Variants in HUNK observed in about 807,000 individuals in gnomAD.
HUNK encodes the protein hormonally up-regulated neu tumor-associated kinase.
HUNK carries 21 observed loss-of-function variants against 61.0 expected under a neutral mutation model. The ratio of observed to expected loss-of-function variants is 0.34; its 90% confidence interval spans 0.24 to 0.50. The LOEUF is 0.50. Ranked by LOEUF, HUNK falls within the 20% of genes least tolerant of loss-of-function variation. The pLI is 0.98. For missense variants in HUNK, 772 were observed against 945.7 expected (o/e 0.82, Z 2.41); for synonymous variants, 371 against 386.1 (o/e 0.96, Z 0.46).
intron 2 of HUNK, among the ~76,000 whole-genome samples, chr21:31,927,535 T>C (rs2123818392): frequency 6.6e-6 from 1 of 151,996 alleles, no homozygotes; most frequent in South Asian, 2.1e-4. Flanking sequence ...TGCCAGCTAC[T>C]CTGGAGGCTG....
At chr21:31,971,073 A>T (rs893473362) in intron 6 of HUNK, among the ~76,000 whole-genome samples, 3 of 316 alleles carry the variant, frequency 9.5e-3, no homozygotes, top group Non-Finnish European at 0.017. Context: ...CTTTATTTTT[A>T]TTTATTTATT....
At chr21:31,988,645 TTCTC>T (rs201061882) in intron 8 of HUNK, among the ~76,000 whole-genome samples, 1 of 147,402 alleles carries the variant, frequency 6.8e-6, no homozygotes, top group Non-Finnish European at 1.5e-5. Flanking sequence ...TCCCTCATTT[TTCTC>T]TCTTTTCTCT....
chr21:31,968,000 G>A (rs963817743), intron 5 of HUNK, among the ~76,000 whole-genome samples: 1 of 152,128 alleles, frequency 6.6e-6, no homozygotes, highest in Non-Finnish European at 1.5e-5. Flanking sequence ...GCTATGTGGT[G>A]TGTATTTTTT....
intron 1 of HUNK, among the ~76,000 whole-genome samples, chr21:31,879,743 G>A (rs1408323431): frequency 6.6e-6 from 1 of 152,198 alleles, no homozygotes; most frequent in African/African-American, 2.4e-5. Flanking sequence ...TGGCAGCCAT[G>A]TGCCCCCGAA....
intron 4 of HUNK, among the ~76,000 whole-genome samples, chr21:31,955,396 C>T (rs1456870814): frequency 6.6e-6 from 1 of 150,516 alleles, no homozygotes; most frequent in African/African-American, 2.5e-5. Context: ...CGAGACCATC[C>T]TGGCTAACAC....
At chr21:31,883,187 G>A (rs2052321441) in intron 1 of HUNK, among the ~76,000 whole-genome samples, 1 of 151,936 alleles carries the variant, frequency 6.6e-6, no homozygotes, top group Non-Finnish European at 1.5e-5. Context: ...GCCTGCCATA[G>A]AGGTTGGCAA....
rs140901956 is a variant in HUNK at position 31,916,351 on chromosome 21, T to C, written c.262-8117T>C. On this transcript the variant is annotated intron_variant, in intron 1 of 10. Transcript: ENST00000270112. ...AGGTGTGAGCCATTGCGCCCGGCCC[T>C]AAGTGCTTTCTTTATGTACATTATC... is the stretch of plus-strand genomic sequence containing the variant. Among the ~76,000 whole-genome samples the C allele has an allele frequency of 2.1e-3, 318 of 151,790 alleles. 2 individuals carry two copies. The highest frequency in any genetic ancestry group is 7.2e-3 in the African/African-American group (300 of 41,418).
At chr21:31,931,335 T>A (rs184236454) in intron 2 of HUNK, among the ~76,000 whole-genome samples, 1 of 152,104 alleles carries the variant, frequency 6.6e-6, no homozygotes, top group East Asian at 1.9e-4. Context: ...ATTAATCACC[T>A]CTTTTAAGTA....
rs1439834329 is a variant in HUNK at position 31,988,321 on chromosome 21, T to A, written c.1258-1808T>A. ...CCATTAGAGAGCCCAGGGCCAGTTT[T>A]ATTAAAGTCTTTTGAAAAATAATGT... is the stretch of plus-strand genomic sequence containing the variant. On this transcript the variant is annotated intron_variant, in intron 8 of 10. Transcript: ENST00000270112. Among the ~76,000 whole-genome samples, 3 of 152,292 alleles carry A rather than the reference T, an allele frequency of 2.0e-5. No individual in the cohort carries two copies. The East Asian group carries it at 5.8e-4, about 29-fold the overall frequency.
chr21:31,968,981 C>T (rs936822145), intron 6 of HUNK, among the ~76,000 whole-genome samples: 6 of 151,750 alleles, frequency 4.0e-5, no homozygotes, highest in African/African-American at 1.5e-4. Flanking sequence ...TGGTTTCAAG[C>T]GATTCTTATG....
chr21:31,894,392 C>T (rs2052411324), intron 1 of HUNK, among the ~76,000 whole-genome samples: 1 of 152,120 alleles, frequency 6.6e-6, no homozygotes, highest in Non-Finnish European at 1.5e-5. Context: ...AAGCCATTTG[C>T]CAGGTGTACT....
intron 3 of HUNK, among the ~76,000 whole-genome samples, chr21:31,940,891 C>A (rs2123827868): frequency 6.6e-6 from 1 of 152,306 alleles, no homozygotes; most frequent in Non-Finnish European, 1.5e-5. Context: ...TTATTCCCCT[C>A]TTTTCTTTTT....
At chr21:31,876,255 T>G (rs1277498038) in intron 1 of HUNK, among the ~76,000 whole-genome samples, 3 of 152,212 alleles carry the variant, frequency 2.0e-5, no homozygotes, top group Non-Finnish European at 4.4e-5. Flanking sequence ...GATGTCTGTG[T>G]TGAAAAACTT....
At chr21:31,990,775 A>G (rs566456569) in intron 9 of HUNK, among the ~76,000 whole-genome samples, 1 of 152,188 alleles carries the variant, frequency 6.6e-6, no homozygotes, top group Non-Finnish European at 1.5e-5. Context: ...ACCTCAAGCC[A>G]TCCACCTGCC....
chr21:31,912,875 T>G (rs996098112), intron 1 of HUNK, among the ~76,000 whole-genome samples: 1 of 152,162 alleles, frequency 6.6e-6, no homozygotes. Flanking sequence ...ATAGCACTCA[T>G]ATTTGATTTA....
rs201605441 is a variant in HUNK, at chr21:31,979,513, TTC to T, written c.1174-4011_1174-4010del. On this transcript the variant is annotated intron_variant, in intron 7 of 10. Transcript: ENST00000270112. ...TTTTCTGGCTATTGAGTTGTTTGCA[TTC>T]TTTTTTTTTTTTTTTTTTTTTTTTT... Among the ~76,000 whole-genome samples the T allele has an allele frequency of 9.3e-5, 5 of 53,684 alleles. 1 individual carries two copies. Among genetic ancestry groups the T allele is most frequent in the African/African-American group, 2.2e-4 (4 of 18,318 alleles). The allele number at this position is 53,684 out of a possible 152,430, so 35.2% of individuals were successfully genotyped here. A position where few individuals can be genotyped will look rare whatever the true frequency, so the allele number is the denominator to read the frequency against.
At position 31,999,832 on chromosome 21, in the gene HUNK, G is replaced by A. The variant is rs546967182; in HGVS notation, c.*648G>A. On this transcript the variant is annotated 3_prime_UTR_variant, in exon 11 of 11. Coordinates refer to ENST00000270112, the MANE Select transcript of HUNK (RefSeq NM_014586.2). ...AAGATTTTGATAGATTTTTGTTGTT[G>A]TTGTTGTTGAAACATGCTAATGATT... 4.9e-6 allele frequency: 1 copy of A among 205,436 alleles called. No homozygotes were observed. The highest frequency in any genetic ancestry group is 1.9e-4 in the South Asian group (1 of 5,278). The allele number at this position is 205,436 out of a possible 1,614,324, so 12.7% of individuals were successfully genotyped here.
chr21:31,933,132 C>T (rs1006203117), intron 2 of HUNK, among the ~76,000 whole-genome samples: 1 of 151,248 alleles, frequency 6.6e-6, no homozygotes, highest in Non-Finnish European at 1.5e-5. Flanking sequence ...ACCAGGCTGG[C>T]CTTGAACTCC....
In HUNK at chr21:32,000,439, G is replaced by A. The variant is rs971401190; in HGVS notation, c.*1255G>A. On this transcript the variant is annotated 3_prime_UTR_variant, in exon 11 of 11. Transcript: ENST00000270112. ...TCCAGTATTGTGTCTGTGCCCCTGTGTGTGTTTTGTGGACAGCCGTGTTGT... is the reference window on the plus strand; with the variant it reads ...TCCAGTATTGTGTCTGTGCCCCTGTATGTGTTTTGTGGACAGCCGTGTTGT... The A allele has an allele frequency of 1.8e-5, 7 of 399,052 alleles. No individual in the cohort carries two copies. In the Admixed American group the frequency reaches 2.2e-4, roughly 13 times the overall value. The allele number at this position is 399,052 out of a possible 1,614,324, so 24.7% of individuals were successfully genotyped here. A position where few individuals can be genotyped will look rare whatever the true frequency, so the allele number is the denominator to read the frequency against.
Sources: gnomAD v4.1 joint callset for allele counts (sites outside exome capture counted in the v4.1 genomes callset) on GRCh38, gnomAD v4.1.1 for gene constraint, MANE v1.5 for transcripts, NCBI Gene and HGNC (gene_info 2026-07-23, HGNC 2026-07-21) for gene names.